SIGLEC5: variants seen among roughly 807,000 people sequenced by gnomAD.
The protein encoded by SIGLEC5 is sialic acid-binding Ig-like lectin 5.
In SIGLEC5, 34 loss-of-function variants were observed where a neutral mutation model predicts 45.9. The ratio of observed to expected loss-of-function variants is 0.74; its 90% CI spans 0.56 to 0.99. SIGLEC5 has a LOEUF of 0.99. SIGLEC5 is among the 50% of genes least tolerant of loss of function. The pLI, the probability that SIGLEC5 is intolerant of heterozygous loss-of-function variation, is 0.00. For synonymous variants in SIGLEC5, 203 were observed against 258.6 expected, an observed-to-expected ratio of 0.79 and a Z score of 2.06; for missense variants, 508 against 629.6, an observed-to-expected ratio of 0.81 and a Z score of 2.07.
intron 3 of SIGLEC5, 79 bp downstream of exon 3, chr19:51,629,279 C>A: frequency 6.4e-7 from 1 of 1,568,338 alleles, no homozygotes; most frequent in Non-Finnish European, 8.7e-7. Flanking sequence ...CTTACACACA[C>A]ACACACACAC....
At position 51,611,164 on chromosome 19, in the gene SIGLEC5, T is replaced by G. The variant is rs1013630073; in HGVS notation, c.*1067A>C. Among the ~76,000 whole-genome samples, 6 of 152,352 alleles carry G rather than the reference T, an allele frequency of 3.9e-5. No individual in the cohort carries two copies. The South Asian group carries it at 1.0e-3, about 26-fold the overall frequency. ...CCTCATGACCACTTGCTGAAGTTTCTAACATTGTCATTTATCTGGGTTTGG... is the reference window on the plus strand; with the variant it reads ...CCTCATGACCACTTGCTGAAGTTTCGAACATTGTCATTTATCTGGGTTTGG... On this transcript the variant is annotated 3_prime_UTR_variant, in exon 9 of 9. Transcript: ENST00000683636.
chr19:51,630,345 C>T lies in SIGLEC5; in HGVS notation c.-10G>A, dbSNP rs561541263. The stretch of plus-strand genomic sequence containing the variant: ...GCAGCAGGGGCAGCATGTCTCCATC[C>T]GCCAGGGCCCCAGCCCAGTCCCAGG... On this transcript the variant is annotated 5_prime_UTR_variant, in exon 1 of 9. Coordinates refer to ENST00000683636, the MANE Select transcript of SIGLEC5 (RefSeq NM_003830.4). 287 of 693,784 alleles carry T rather than the reference C, an allele frequency of 4.1e-4. 6 individuals are homozygous for T. The African/African-American group carries it at 6.1e-3, about 15-fold the overall frequency. The allele number at this position is 693,784 out of a possible 1,614,324, so 43.0% of individuals were successfully genotyped here. A position where few individuals can be genotyped will look rare whatever the true frequency, so the allele number is the denominator to read the frequency against.
At position 51,629,397 on chromosome 19, in the gene SIGLEC5, GA is replaced by G; in HGVS notation, c.660del (p.Gln221ArgfsTer2). ...TGGACAGTTCTCTCCGTGGTCACCT[GA>G]GCTCCTTGGCGTTTCATCTGACAGG... ...NLTCQMKRQG[A>X]QVTTERTVQL... On this transcript the variant is annotated frameshift_variant, in exon 3 of 9. Coordinates refer to ENST00000683636, the MANE Select transcript of SIGLEC5 (RefSeq NM_003830.4). LOFTEE classifies it high-confidence loss of function. 1 of 1,613,916 alleles carries G rather than the reference GA, an allele frequency of 6.2e-7. No individual in the cohort carries two copies. Among genetic ancestry groups the G allele is most frequent in the South Asian group, 1.1e-5 (1 of 91,066 alleles).
chr19:51,624,199 T>C (rs966844806), intron 8 of SIGLEC5, among the ~76,000 whole-genome samples: 1 of 152,092 alleles, frequency 6.6e-6, no homozygotes, highest in African/African-American at 2.4e-5. Context: ...TGAATACAAC[T>C]GCAACTTTAT....
At chr19:51,618,443 TAAAAAAAAAA>T (rs1228951315) in intron 8 of SIGLEC5, among the ~76,000 whole-genome samples, 1 of 49,438 alleles carries the variant, frequency 2.0e-5, no homozygotes, top group African/African-American at 8.8e-5. Context: ...AGACCCTGCC[TAAAAAAAAAA>T]AAAAAAAAAA....
rs1393995321 is a variant in SIGLEC5 at position 51,626,258 on chromosome 19, T to G, written c.1383-145A>C. On this transcript the variant is annotated intron_variant, in intron 7 of 8. Coordinates refer to ENST00000683636, the MANE Select transcript of SIGLEC5 (RefSeq NM_003830.4). The stretch of plus-strand genomic sequence containing the variant: ...CTCGGAGACCTTCCTGACTTCGGAG[T>G]GAGGGCTCCATCCTCCTGGATAACC... 137 of 648,910 alleles carry G rather than the reference T, an allele frequency of 2.1e-4. No individual in the cohort carries two copies. In the East Asian group the frequency reaches 3.7e-3, roughly 17 times the overall value. 40.2% of individuals were successfully genotyped at this position (648,910 alleles called of 1,614,324 possible).
Position 51,627,245 on chromosome 19 carries a change from C to G in SIGLEC5, c.1286G>C (p.Arg429Thr), listed in dbSNP as rs1302684365. 1.2e-6 allele frequency: 2 copies of G among 1,613,950 alleles called. No homozygotes were observed. The highest frequency in any genetic ancestry group is 2.7e-5 in the African/African-American group (2 of 75,020). Reference protein sequence around the residue: ...QSGSVLLLQGRSNLGTGVVPA... With the variant: ...QSGSVLLLQGTSNLGTGVVPA... ...AACCACTCCTGTCCCGAGGTTCGAT[C>G]TCCCTGCAGAAAAGAGGGGCGTGCA... The change falls in exon 7 of 9, where the codon AGA (arginine) becomes ACA (threonine). Residue 429 changes from arginine to threonine, a missense_variant. This residue lies in a region of SIGLEC5 where 431 missense variants were observed against 428.8 expected (regional missense o/e 1.01). Coordinates refer to ENST00000683636, the MANE Select transcript of SIGLEC5 (RefSeq NM_003830.4).
chr19:51,627,455 C>G lies in SIGLEC5; in HGVS notation c.1282+7G>C. ...AGGCCCCTGCCCTCTGCAATACGCC[C>G]CCTGACCTTGCAGCAGCAGGACAGA... On this transcript the variant is annotated splice_region_variant and intron_variant, in intron 6 of 8. Coordinates refer to ENST00000683636, the MANE Select transcript of SIGLEC5 (RefSeq NM_003830.4). 1 of 1,609,484 alleles carries G rather than the reference C, an allele frequency of 6.2e-7. No homozygotes were observed. The highest frequency in any genetic ancestry group is 1.1e-5 in the South Asian group (1 of 90,624).
At chr19:51,622,808 T>C (rs1983340142) in intron 8 of SIGLEC5, among the ~76,000 whole-genome samples, 2 of 152,234 alleles carry the variant, frequency 1.3e-5, no homozygotes, top group Admixed American at 1.3e-4. Flanking sequence ...ATACTCTCTA[T>C]GTCCATCAGT....
At chr19:51,617,639 A>G (rs1197368031) in intron 8 of SIGLEC5, among the ~76,000 whole-genome samples, 1 of 152,194 alleles carries the variant, frequency 6.6e-6, no homozygotes, top group Non-Finnish European at 1.5e-5. Context: ...ATATATTTCC[A>G]GGCATATAAG....
chr19:51,628,140 A>AC, intron 4 of SIGLEC5, 49 bp from the exon 5 acceptor site: 3 of 1,484,954 alleles, frequency 2.0e-6, no homozygotes, highest in Non-Finnish European at 2.7e-6. Flanking sequence ...AGGGAGGCTG[A>AC]CAGTCCCTAT....
At position 51,629,862 on chromosome 19, in the gene SIGLEC5, T is replaced by C; in HGVS notation, c.392A>G (p.Gln131Arg). 2 of 1,337,140 alleles carry C rather than the reference T, an allele frequency of 1.5e-6. No homozygotes were observed. Among genetic ancestry groups the C allele is most frequent in the East Asian group, 4.5e-5 (2 of 44,586 alleles). 82.8% of individuals were successfully genotyped at this position (1,337,140 alleles called of 1,614,324 possible). A position where few individuals can be genotyped will look rare whatever the true frequency, so the allele number is the denominator to read the frequency against. ...ERGRDVKYSY[Q>R]QNKLNLEVTA... ...CACCTCCAAGTTCAGCTTATTCTGT[T>C]GGTAGCTATATTTTACATCCCTTCC... Residue 131 changes from glutamine (Q) to arginine (R), a missense_variant, in exon 2 of 9, where the codon CAA becomes CGA. Gln to Arg is a conservative substitution (Grantham distance 43). Coordinates refer to ENST00000683636, the MANE Select transcript of SIGLEC5 (RefSeq NM_003830.4).
intron 6 of SIGLEC5, 45 bp downstream of exon 6, chr19:51,627,417 T>G: frequency 6.3e-7 from 1 of 1,576,994 alleles, no homozygotes; most frequent in Non-Finnish European, 8.6e-7. Context: ...CTGGGATCCA[T>G]GCCCCTCCCC....
At chr19:51,627,316 G>T (rs1205861467) in intron 6 of SIGLEC5, 68 bp from the exon 7 acceptor site, 5 of 1,560,974 alleles carry the variant, frequency 3.2e-6, no homozygotes, top group Non-Finnish European at 4.4e-6. Context: ...CACCTGCTGG[G>T]CAACTTGCTC....
chr19:51,626,025 C>A lies in SIGLEC5; in HGVS notation c.1464+7G>T. On this transcript the variant is annotated splice_region_variant and intron_variant, in intron 8 of 8. Transcript: ENST00000683636. The stretch of plus-strand genomic sequence containing the variant: ...CATGCACATGAGAAGATCCCCAAAC[C>A]ACTCACCGAGGTGATGGTACCCATA... 1 of 1,612,262 alleles carries A rather than the reference C, an allele frequency of 6.2e-7. No individual in the cohort carries two copies. Among genetic ancestry groups the A allele is most frequent in the Non-Finnish European group, 8.5e-7 (1 of 1,178,564 alleles).
At chr19:51,615,647 C>T (rs1983025919) in intron 8 of SIGLEC5, among the ~76,000 whole-genome samples, 1 of 152,186 alleles carries the variant, frequency 6.6e-6, no homozygotes, top group African/African-American at 2.4e-5. Context: ...GAGTCCTTGA[C>T]CAATGTTGCT....
rs1983533408 is a variant in SIGLEC5, at chr19:51,627,510, C to T, written c.1234G>A (p.Ala412Thr). Residue 412 changes from alanine to threonine, a missense_variant, in exon 6 of 9, where the codon GCC (alanine) becomes ACC (threonine). Ala to Thr is a moderately conservative substitution (Grantham distance 58, BLOSUM62 0). Around this residue, in one of 2 missense-constraint regions of SIGLEC5, gnomAD observed 431 missense variants for 428.8 expected, o/e 1.01. Coordinates refer to ENST00000683636, the MANE Select transcript of SIGLEC5 (RefSeq NM_003830.4). ...LSSDLKVSCK[A>T]WNIYGSQSGS... is the part of the protein sequence containing the mutation. ...CTCTGGGACCCATAGATGTTCCAGG[C>T]CTTGCAGCTGACTTTGAGGTCGGAG... 3.1e-6 allele frequency: 5 copies of T among 1,614,024 alleles called. No homozygotes were observed. Among genetic ancestry groups the T allele is most frequent in the Non-Finnish European group, 4.2e-6 (5 of 1,180,014 alleles).
chr19:51,627,673 G>A lies in SIGLEC5; in HGVS notation c.1071C>T (p.Ala357=), dbSNP rs770315173. The A allele has an allele frequency of 1.3e-4, 205 of 1,610,178 alleles. No homozygotes were observed. The highest frequency in any genetic ancestry group is 1.6e-4 in the Non-Finnish European group (185 of 1,178,786). The change falls in exon 6 of 9, where the codon GCC becomes GCT. Residue 357 remains alanine, a synonymous_variant. Transcript: ENST00000683636. ...EGLHCRCSFR[A]RPAPSLCWRL... ...GCCAGCACAGGGAGGGGGCCGGCCG[G>A]GCTCGAAAGGAGCATCTGCAGTGCA... is the stretch of plus-strand genomic sequence containing the variant.
intron 3 of SIGLEC5, 110 bp downstream of exon 3, chr19:51,629,248 G>C (rs962786631): frequency 1.9e-6 from 3 of 1,550,132 alleles, no homozygotes; most frequent in African/African-American, 2.9e-5. Flanking sequence ...TCAAGTTATT[G>C]TTTTGTTTCT....
Sources: gnomAD v4.1 joint callset for allele counts (sites outside exome capture counted in the v4.1 genomes callset) on GRCh38, gnomAD v4.1.1 for gene constraint, gnomAD v4.1.1 regional missense constraint, MANE v1.5 for transcripts, NCBI Gene and HGNC (gene_info 2026-07-23, HGNC 2026-07-21) for gene names.